The following VEZT variants were observed in gnomAD, a reference collection of about 807,000 sequenced individuals.
VEZT encodes vezatin, adherens junctions transmembrane protein, also known as vezatin.
Under a neutral mutation model 79.9 loss-of-function variants are expected in VEZT, and 39 were observed. The observed-to-expected ratio is 0.49, with a 90% CI of 0.38 to 0.64. VEZT has a LOEUF of 0.64. Among genes scored for constraint, VEZT ranks in the 30% least tolerant of loss-of-function variants. The pLI is 0.00. For synonymous variants in VEZT, 325 were observed against 327.6 expected (o/e 0.99, Z 0.09); for missense variants, 837 against 893.1 (o/e 0.94, Z 0.80).
chr12:95,265,651 G>T (rs1028657473), intron 4 of VEZT, among the ~76,000 whole-genome samples: 2 of 151,524 alleles, frequency 1.3e-5, no homozygotes, highest in South Asian at 4.2e-4. Flanking sequence ...TTTTATTAAT[G>T]TCATAAAGAG....
At chr12:95,283,968 C>T (rs921145789) in intron 8 of VEZT, among the ~76,000 whole-genome samples, 10 of 151,970 alleles carry the variant, frequency 6.6e-5, no homozygotes, top group Non-Finnish European at 1.3e-4. Context: ...CCAGAGCCTC[C>T]GAAGAAGTAA....
At chr12:95,268,303 G>A (rs2065917841) in intron 5 of VEZT, among the ~76,000 whole-genome samples, 2 of 151,994 alleles carry the variant, frequency 1.3e-5, no homozygotes, top group African/African-American at 4.8e-5. Flanking sequence ...TAGCTATCCT[G>A]GCTAACACGG....
At chr12:95,274,630 T>C (rs73376208) in intron 6 of VEZT, 112 bp from the exon 7 acceptor site, 90,429 of 1,172,266 alleles carry the variant, frequency 0.077, 4,266 homozygotes, top group African/African-American at 0.15. Flanking sequence ...GCTGTAAACC[T>C]CCTCATCCAA....
chr12:95,266,379 T>C lies in VEZT; in HGVS notation c.457T>C (p.Phe153Leu), dbSNP rs762412270. 1 of 1,613,698 alleles carries C rather than the reference T, an allele frequency of 6.2e-7. No homozygotes were observed. Among genetic ancestry groups the C allele is most frequent in the Admixed American group, 1.7e-5 (1 of 60,004 alleles). The change falls in exon 5 of 12, where the codon TTC (phenylalanine) becomes CTC (leucine). Residue 153 changes from phenylalanine (F) to leucine (L), a missense_variant. Physicochemically the swap from Phe to Leu is conservative, Grantham distance 22. Coordinates refer to ENST00000436874, the MANE Select transcript of VEZT (RefSeq NM_017599.4). Reference protein sequence around the residue: ...NIWDLSMLFAFISLLVMLPTW... With the variant: ...NIWDLSMLFALISLLVMLPTW... Reference sequence around the variant, plus strand: ...CAGGGATCTCTCAATGCTATTTGCCTTCATTAGCTTGCTCGTTATGCTTCC... The same window carrying C: ...CAGGGATCTCTCAATGCTATTTGCCCTCATTAGCTTGCTCGTTATGCTTCC...
At chr12:95,285,344 T>C (rs181859305) in intron 8 of VEZT, among the ~76,000 whole-genome samples, 109 of 151,846 alleles carry the variant, frequency 7.2e-4, no homozygotes, top group East Asian at 3.1e-3. Flanking sequence ...CTTGGGAGGC[T>C]GAGGTGGGAG....
intron 1 of VEZT, among the ~76,000 whole-genome samples, chr12:95,224,521 G>T (rs1055108682): frequency 2.0e-5 from 3 of 152,064 alleles, no homozygotes; most frequent in Non-Finnish European, 4.4e-5. Context: ...GGAAAGGCTA[G>T]GAGCAGCCAT....
intron 7 of VEZT, among the ~76,000 whole-genome samples, chr12:95,277,949 C>T (rs77547742): frequency 0.068 from 10,366 of 152,250 alleles, 456 homozygotes; most frequent in Middle Eastern, 0.12. Flanking sequence ...TGTTGATGTA[C>T]TGTTTTTAAA....
intron 3 of VEZT, among the ~76,000 whole-genome samples, chr12:95,262,570 T>G (rs1453565509): frequency 6.6e-6 from 1 of 152,230 alleles, no homozygotes; most frequent in Non-Finnish European, 1.5e-5. Flanking sequence ...TCTTTTATGT[T>G]ATAGGATTAT....
rs766826095 is a variant in VEZT at position 95,263,028 on chromosome 12, A to C, written c.381A>C (p.Gln127His). Residue 127 changes from glutamine to histidine, a missense_variant, in exon 4 of 12, where the codon CAA (glutamine) becomes CAC (histidine). Transcript: ENST00000436874. The part of the protein sequence containing the change: ...PSILSAGQSQ[Q>H]QENGHLPTLC... ...TCCTGTCTGCAGGGCAATCTCAACA[A>C]CAGGAAAATGGACACCTTCCAACAC... The C allele has an allele frequency of 6.2e-7, 1 of 1,612,854 alleles. No individual in the cohort carries two copies. Among genetic ancestry groups the C allele is most frequent in the East Asian group, 2.2e-5 (1 of 44,872 alleles).
chr12:95,223,684 C>T (rs551078468), intron 1 of VEZT, among the ~76,000 whole-genome samples: 4 of 152,136 alleles, frequency 2.6e-5, no homozygotes, highest in Admixed American at 1.3e-4. Context: ...CTCCTGACCT[C>T]GGGTGATCCA....
At chr12:95,255,475 A>T (rs1449157093) in intron 2 of VEZT, among the ~76,000 whole-genome samples, 1 of 152,210 alleles carries the variant, frequency 6.6e-6, no homozygotes, top group Non-Finnish European at 1.5e-5. Flanking sequence ...GCTGTCGCCC[A>T]GCCTTGAGTG....
rs1414347151 is a variant in VEZT, at chr12:95,287,832, G to A, written c.1497G>A (p.Leu499=). The change falls in exon 9 of 12, where the codon CTG becomes CTA. Residue 499 remains leucine (L), a synonymous_variant. Transcript: ENST00000436874. ...WEEAISQVDK[L]LRRNTDKKGK... The stretch of plus-strand genomic sequence containing the variant: ...AGGCCATTTCTCAGGTCGACAAACT[G>A]CTACGAAGAAATACAGATAAAAAAG... 6.2e-7 allele frequency: 1 copy of A among 1,602,260 alleles called. No individual in the cohort carries two copies. The highest frequency in any genetic ancestry group is 2.2e-5 in the East Asian group (1 of 44,562).
chr12:95,253,592 A>G (rs1310016745), intron 2 of VEZT, among the ~76,000 whole-genome samples: 1 of 152,214 alleles, frequency 6.6e-6, no homozygotes, highest in Admixed American at 6.5e-5. Flanking sequence ...GCCAGGGGAT[A>G]GTCTTAGAGC....
intron 5 of VEZT, among the ~76,000 whole-genome samples, chr12:95,268,367 G>A (rs2065932106): frequency 6.6e-6 from 1 of 151,560 alleles, no homozygotes; most frequent in African/African-American, 2.4e-5. Flanking sequence ...GCGTGGTGGC[G>A]GGTGCCTGTA....
At chr12:95,282,284 A>C in intron 7 of VEZT, 29 bp from the exon 8 acceptor site, 1 of 1,538,092 alleles carries the variant, frequency 6.5e-7, no homozygotes, top group South Asian at 1.3e-5. Context: ...ATTTTTATTG[A>C]TCTAGTTCTT....
intron 8 of VEZT, chr12:95,286,193 T>C (rs1017567591): frequency 3.3e-5 from 8 of 239,568 alleles, no homozygotes; most frequent in African/African-American, 1.6e-4. Flanking sequence ...AGTTTCACCA[T>C]GTTGGCCAGG....
intron 1 of VEZT, among the ~76,000 whole-genome samples, chr12:95,229,585 G>T (rs992796981): frequency 3.9e-5 from 6 of 152,078 alleles, no homozygotes; most frequent in African/African-American, 1.4e-4. Flanking sequence ...AATGAGAGTA[G>T]GCCCTTAGAG....
chr12:95,261,691 G>A (rs542378922), intron 3 of VEZT, among the ~76,000 whole-genome samples: 4 of 152,302 alleles, frequency 2.6e-5, no homozygotes, highest in South Asian at 4.1e-4. Context: ...GACTACAGGC[G>A]TGAGCCACTG....
chr12:95,234,678 TATTTA>T (rs1267034656), intron 1 of VEZT, among the ~76,000 whole-genome samples: 12 of 152,098 alleles, frequency 7.9e-5, no homozygotes, highest in African/African-American at 2.9e-4. Flanking sequence ...TTTATTTATT[TATTTA>T]TTTTTTAATT....
Sources: allele counts gnomAD v4.1 joint callset (sites outside exome capture counted in the v4.1 genomes callset), GRCh38; gene constraint gnomAD v4.1.1; transcripts MANE v1.5; gene names NCBI Gene and HGNC (gene_info 2026-07-23, HGNC 2026-07-21).